The following AGBL1 variants were observed in gnomAD, a reference collection of about 807,000 sequenced individuals.
AGBL1 encodes cytosolic carboxypeptidase 4.
A neutral mutation model predicts 118.9 loss-of-function variants in AGBL1; 130 were observed. The ratio of observed to expected loss-of-function variants is 1.09; its 90% CI spans 0.95 to 1.26. The LOEUF is 1.26. Among genes scored for constraint, AGBL1 ranks in the 50% most tolerant of loss-of-function variants. AGBL1 has a pLI of 0.00. For synonymous variants in AGBL1, 555 were observed against 478.9 expected, an observed-to-expected ratio of 1.16 and a Z score of -2.08; for missense variants, 1,584 against 1,298.1, an observed-to-expected ratio of 1.22 and a Z score of -3.38.
intron 22 of AGBL1, among the ~76,000 whole-genome samples, chr15:86,860,956 G>T (rs1291647817): frequency 2.0e-5 from 3 of 152,140 alleles, no homozygotes; most frequent in African/African-American, 4.8e-5. Context: ...CAGGCAGGGG[G>T]CAGCAGGGAT....
chr15:86,464,295 C>G (rs1454984566), intron 18 of AGBL1, among the ~76,000 whole-genome samples: 1 of 152,108 alleles, frequency 6.6e-6, no homozygotes, highest in East Asian at 1.9e-4. Context: ...ATTTTGTATC[C>G]TGAGACTTTG....
At chr15:86,537,874 A>T (rs116164104) in intron 19 of AGBL1, among the ~76,000 whole-genome samples, 3,429 of 152,342 alleles carry the variant, frequency 0.023, 69 homozygotes, top group Middle Eastern at 0.075. Context: ...TGACCGACAC[A>T]TATCTGGCAT....
intron 21 of AGBL1, among the ~76,000 whole-genome samples, chr15:86,618,030 A>G (rs1333522375): frequency 1.3e-5 from 2 of 152,130 alleles, no homozygotes; most frequent in African/African-American, 2.4e-5. Context: ...ACTATATTAT[A>G]CTTCTGCCTG....
In AGBL1 at chr15:86,897,764, C is replaced by CTTTTTTTTTTTTTTTTTTTTTTTT. The variant is rs71460231; in HGVS notation, c.3159-9300_3159-9299insTTTTTTTTTTTTTTTTTTTTTTTT. Among the ~76,000 whole-genome samples the CTTTTTTTTTTTTTTTTTTTTTTTT allele has an allele frequency of 3.7e-5, 3 of 80,622 alleles. 1 individual carries two copies. Among genetic ancestry groups the CTTTTTTTTTTTTTTTTTTTTTTTT allele is most frequent in the Non-Finnish European group, 6.7e-5 (3 of 44,884 alleles). The allele number at this position is 80,622 out of a possible 152,430, so 52.9% of individuals were successfully genotyped here. On this transcript the variant is annotated intron_variant, in intron 22 of 22. Transcript: ENST00000614907. ...ATAATTTACTCCTTTCATCTTTTAT[C>CTTTTTTTTTTTTTTTTTTTTTTTT]TTTTTTTTTTTTTTTTTTTTTTTGA...
At chr15:86,986,397 C>CTA (rs1186271348) in intron 23 of AGBL1, among the ~76,000 whole-genome samples, 2 of 152,196 alleles carry the variant, frequency 1.3e-5, no homozygotes, top group Non-Finnish European at 2.9e-5. Context: ...TACACACACA[C>CTA]TACCGTACTT....
At chr15:86,856,266 CCT>C (rs1461216314) in intron 22 of AGBL1, among the ~76,000 whole-genome samples, 5 of 152,170 alleles carry the variant, frequency 3.3e-5, no homozygotes, top group Non-Finnish European at 7.3e-5. Flanking sequence ...AGGAGAAAGT[CCT>C]CTTTCTCTGA....
chr15:86,284,767 C>T (rs538436562), intron 16 of AGBL1, among the ~76,000 whole-genome samples: 2 of 152,244 alleles, frequency 1.3e-5, no homozygotes, highest in South Asian at 2.1e-4. Context: ...GGTTACCCTG[C>T]TGAGGTCAAG....
chr15:86,863,006 T>G (rs2079579870), intron 22 of AGBL1, among the ~76,000 whole-genome samples: 1 of 152,150 alleles, frequency 6.6e-6, no homozygotes, highest in African/African-American at 2.4e-5. Flanking sequence ...GCCAATAGGC[T>G]TGCTGAGGGT....
At chr15:86,123,242 T>C (rs2141586013) in intron 1 of AGBL1, among the ~76,000 whole-genome samples, 1 of 152,206 alleles carries the variant, frequency 6.6e-6, no homozygotes, top group East Asian at 1.9e-4. Context: ...TGTCTTTTTT[T>C]TGTTGTTGTC....
At chr15:86,605,173 A>G (rs974400264) in intron 21 of AGBL1, among the ~76,000 whole-genome samples, 1 of 152,148 alleles carries the variant, frequency 6.6e-6, no homozygotes, top group African/African-American at 2.4e-5. Flanking sequence ...TTTCAAGTTG[A>G]AGATAGTAAA....
intron 16 of AGBL1, among the ~76,000 whole-genome samples, chr15:86,283,334 G>T (rs970940960): frequency 1.3e-5 from 2 of 152,108 alleles, no homozygotes; most frequent in Non-Finnish European, 2.9e-5. Context: ...TGTATGAAAT[G>T]ACAAGAGACA....
rs369817008 is a variant in AGBL1, at chr15:86,546,066, A to G, written c.2750A>G (p.Lys917Arg). The G allele has an allele frequency of 3.7e-6, 6 of 1,613,320 alleles. No individual in the cohort carries two copies. The highest frequency in any genetic ancestry group is 5.1e-6 in the Non-Finnish European group (6 of 1,179,584). The change falls in exon 20 of 23, where the codon AAG (lysine) becomes AGG (arginine). Residue 917 changes from lysine to arginine, a missense_variant. Coordinates refer to ENST00000614907, the MANE Select transcript of AGBL1 (RefSeq NM_001386094.1). ...GTGTTCCTTTATGGCTGTAGCATCA[A>G]GGAAACCTTGTGGCAAGCAGCATGC... ...KNVFLYGCSI[K>R]ETLWQAACTV...
chr15:86,633,555 A>G (rs79154485), intron 21 of AGBL1, among the ~76,000 whole-genome samples: 3,992 of 152,066 alleles, frequency 0.026, 77 homozygotes, highest in Admixed American at 0.046. Flanking sequence ...TTTGCTCCTT[A>G]GCAGAATTTT....
chr15:86,234,510 C>T (rs1189632605), intron 6 of AGBL1, among the ~76,000 whole-genome samples: 2 of 147,290 alleles, frequency 1.4e-5, no homozygotes, highest in Non-Finnish European at 3.0e-5. Flanking sequence ...AAGATCACAC[C>T]ACTGCACTCC....
At chr15:86,813,122 G>A (rs538505630) in intron 22 of AGBL1, among the ~76,000 whole-genome samples, 129 of 152,100 alleles carry the variant, frequency 8.5e-4, no homozygotes, top group African/African-American at 3.0e-3. Context: ...GAGGGAGTGC[G>A]TACAAGGAGT....
intron 21 of AGBL1, among the ~76,000 whole-genome samples, chr15:86,656,777 G>A (rs1057017953): frequency 6.6e-6 from 1 of 152,000 alleles, no homozygotes; most frequent in Non-Finnish European, 1.5e-5. Flanking sequence ...CATGGAAGAG[G>A]GTTAAATGTA....
At chr15:86,574,301 C>A (rs184177220) in intron 21 of AGBL1, among the ~76,000 whole-genome samples, 1 of 152,176 alleles carries the variant, frequency 6.6e-6, no homozygotes, top group Non-Finnish European at 1.5e-5. Flanking sequence ...CCATCTGGTC[C>A]CTTCTGCAGC....
At chr15:86,860,648 C>T (rs2079547640) in intron 22 of AGBL1, among the ~76,000 whole-genome samples, 1 of 152,036 alleles carries the variant, frequency 6.6e-6, no homozygotes, top group Non-Finnish European at 1.5e-5. Context: ...GTTCAACAAT[C>T]AAGCCCAAGG....
At chr15:86,686,097 C>A (rs903537363) in intron 22 of AGBL1, among the ~76,000 whole-genome samples, 1 of 152,084 alleles carries the variant, frequency 6.6e-6, no homozygotes, top group Non-Finnish European at 1.5e-5. Flanking sequence ...TGTGGTCAAC[C>A]TAGAAAAAGT....
Sources: allele counts gnomAD v4.1 joint callset (sites outside exome capture counted in the v4.1 genomes callset), GRCh38; gene constraint gnomAD v4.1.1; transcripts MANE v1.5; gene names NCBI Gene and HGNC (gene_info 2026-07-23, HGNC 2026-07-21).